RBFOX1: variants seen among roughly 807,000 people sequenced by gnomAD.
The protein encoded by RBFOX1 is RNA binding fox-1 homolog 1, also known as RNA binding protein fox-1 homolog 1.
Under a neutral mutation model 57.7 loss-of-function variants are expected in RBFOX1, and 8 were observed. The ratio of observed to expected loss-of-function variants is 0.14; its 90% CI spans 0.08 to 0.25. The LOEUF is 0.25. RBFOX1 is among the 10% of genes least tolerant of loss of function. RBFOX1 has a pLI of 1.00. For synonymous variants in RBFOX1, 326 were observed against 222.4 expected, an observed-to-expected ratio of 1.47 and a Z score of -4.15; for missense variants, 611 against 548.5, an observed-to-expected ratio of 1.11 and a Z score of -1.14.
At chr16:6,732,430 C>G (rs12162100) in intron 3 of RBFOX1, among the ~76,000 whole-genome samples, 42,932 of 152,088 alleles carry the variant, frequency 0.28, 6,860 homozygotes, top group East Asian at 0.56. Context: ...CTGCACTGCA[C>G]CTGCACTGGG....
At chr16:5,735,725 T>C (rs183237537) in intron 3 of RBFOX1, among the ~76,000 whole-genome samples, 9 of 152,176 alleles carry the variant, frequency 5.9e-5, no homozygotes, top group Admixed American at 3.3e-4. Context: ...GGTGAAACCC[T>C]GTTTAGCCGG....
intron 4 of RBFOX1, among the ~76,000 whole-genome samples, chr16:7,456,444 G>C (rs2058528667): frequency 6.6e-6 from 1 of 152,200 alleles, no homozygotes; most frequent in Non-Finnish European, 1.5e-5. Context: ...GTACTCAGCT[G>C]AAAAGCTGTA....
chr16:7,677,814 G>T (rs2073783097), intron 14 of RBFOX1, among the ~76,000 whole-genome samples: 1 of 152,138 alleles, frequency 6.6e-6, no homozygotes, highest in African/African-American at 2.4e-5. Flanking sequence ...GGCATGCTGG[G>T]TCAGACAGGT....
intron 2 of RBFOX1, among the ~76,000 whole-genome samples, chr16:5,543,548 G>A (rs907675393): frequency 3.3e-5 from 5 of 152,172 alleles, no homozygotes; most frequent in African/African-American, 1.2e-4. Context: ...TCTGGAACAA[G>A]TTCAAGGAAT....
At chr16:5,284,364 C>T (rs1160365688) in intron 1 of RBFOX1, among the ~76,000 whole-genome samples, 1 of 152,162 alleles carries the variant, frequency 6.6e-6, no homozygotes, top group South Asian at 2.1e-4. Flanking sequence ...ACATTTGAAT[C>T]CTTTCTCCTT....
At chr16:6,161,215 C>T (rs1014622174) in intron 1 of RBFOX1, among the ~76,000 whole-genome samples, 2 of 151,948 alleles carry the variant, frequency 1.3e-5, no homozygotes, top group Non-Finnish European at 2.9e-5. Flanking sequence ...ATGGTGAAAC[C>T]GTGTCTGTAC....
At chr16:6,680,274 C>CT (rs1180378585) in intron 3 of RBFOX1, among the ~76,000 whole-genome samples, 58 of 88,922 alleles carry the variant, frequency 6.5e-4, no homozygotes, top group Admixed American at 1.9e-3. Context: ...TTCTCTCTCT[C>CT]TTTTTTTTTT....
chr16:5,484,781 G>T (rs59944838), intron 2 of RBFOX1, among the ~76,000 whole-genome samples: 30,872 of 151,298 alleles, frequency 0.2, 3,361 homozygotes, highest in Middle Eastern at 0.31. Flanking sequence ...GCGTGGTGGC[G>T]GGCACCTGTA....
At chr16:6,424,685 C>T (rs556852837) in intron 2 of RBFOX1, among the ~76,000 whole-genome samples, 1 of 151,794 alleles carries the variant, frequency 6.6e-6, no homozygotes, top group Non-Finnish European at 1.5e-5. Context: ...ATGTTCACTG[C>T]AGCATTGTTT....
chr16:5,915,994 A>G (rs1226534621), intron 4 of RBFOX1, among the ~76,000 whole-genome samples: 1 of 152,196 alleles, frequency 6.6e-6, no homozygotes, highest in African/African-American at 2.4e-5. Context: ...TGGTAGAAGC[A>G]GTCTTATTTC....
chr16:7,282,234 G>A (rs138848737), intron 4 of RBFOX1, among the ~76,000 whole-genome samples: 9 of 152,176 alleles, frequency 5.9e-5, no homozygotes, highest in East Asian at 1.9e-4. Flanking sequence ...TCTTTGCAGC[G>A]TTTGCTCAGA....
chr16:7,255,792 CA>C (rs892897086), intron 4 of RBFOX1, among the ~76,000 whole-genome samples: 1 of 152,092 alleles, frequency 6.6e-6, no homozygotes, highest in Non-Finnish European at 1.5e-5. Flanking sequence ...ATATATTTTA[CA>C]TTTTTTTGTG....
intron 2 of RBFOX1, among the ~76,000 whole-genome samples, chr16:6,566,880 A>C (rs2097274138): frequency 6.6e-6 from 1 of 152,172 alleles, no homozygotes; most frequent in South Asian, 2.1e-4. Flanking sequence ...ACTTTGAAAT[A>C]TTTTCCCCAT....
chr16:5,612,333 C>T (rs933734003), intron 3 of RBFOX1, among the ~76,000 whole-genome samples: 6 of 152,082 alleles, frequency 3.9e-5, no homozygotes, highest in African/African-American at 7.2e-5. Flanking sequence ...ACCTATCCAC[C>T]ACTCCATCTG....
intron 1 of RBFOX1, among the ~76,000 whole-genome samples, chr16:5,464,215 A>T (rs1478733919): frequency 6.6e-6 from 1 of 152,226 alleles, no homozygotes. Context: ...AGAGGCCAAG[A>T]GGATGGTCCG....
intron 1 of RBFOX1, among the ~76,000 whole-genome samples, chr16:6,146,323 G>A (rs368519394): frequency 4.6e-5 from 7 of 152,252 alleles, no homozygotes; most frequent in African/African-American, 1.7e-4. Context: ...TCCATTTTTA[G>A]CTGTTCAATG....
At chr16:6,693,796 C>G (rs1357315350) in intron 3 of RBFOX1, among the ~76,000 whole-genome samples, 2 of 151,240 alleles carry the variant, frequency 1.3e-5, no homozygotes, top group Non-Finnish European at 2.9e-5. Flanking sequence ...GCTGCCATCA[C>G]CACCACCATC....
At chr16:7,001,902 G>T (rs1020097734) in intron 3 of RBFOX1, among the ~76,000 whole-genome samples, 1 of 152,032 alleles carries the variant, frequency 6.6e-6, no homozygotes, top group African/African-American at 2.4e-5. Flanking sequence ...ATAGTAAGCG[G>T]GGGTCCCCAA....
intron 1 of RBFOX1, among the ~76,000 whole-genome samples, chr16:5,403,373 A>C (rs1174158876): frequency 6.6e-6 from 1 of 151,412 alleles, no homozygotes; most frequent in Non-Finnish European, 1.5e-5. Context: ...AAAAACAAAA[A>C]ACAAACAAAC....
Sources: gnomAD v4.1 joint callset for allele counts (sites outside exome capture counted in the v4.1 genomes callset) on GRCh38, gnomAD v4.1.1 for gene constraint, MANE v1.5 for transcripts, NCBI Gene and HGNC (gene_info 2026-07-23, HGNC 2026-07-21) for gene names.